Variants in SAFB2 observed in about 807,000 individuals in gnomAD.
The protein encoded by SAFB2 is scaffold attachment factor B2.
SAFB2 carries 32 observed loss-of-function variants against 100.6 expected under a neutral mutation model. That is an observed-to-expected ratio of 0.32 (90% CI 0.24 to 0.43). SAFB2 has a LOEUF of 0.43. SAFB2 is among the 20% of genes least tolerant of loss of function. The pLI is 1.00. For synonymous variants in SAFB2, 500 were observed against 439.4 expected, an observed-to-expected ratio of 1.14 and a Z score of -1.72; for missense variants, 1,185 against 1,163.4, an observed-to-expected ratio of 1.02 and a Z score of -0.27.
At position 5,587,500 on chromosome 19, in the gene SAFB2, T is replaced by C; in HGVS notation, c.2706-101A>G. On this transcript the variant is annotated intron_variant, in intron 20 of 20. Coordinates refer to ENST00000252542, the MANE Select transcript of SAFB2 (RefSeq NM_014649.3). This position sits in a 1 kb window ranked among gnomAD's most constrained non-coding sequence, Gnocchi z 4.9. ...TCCCGCAGCCTTTAGAGCGCTTGGGTTTTTTTTCCAGGTGAGAAAAATCAT... is the reference window on the plus strand; with the variant it reads ...TCCCGCAGCCTTTAGAGCGCTTGGGCTTTTTTTCCAGGTGAGAAAAATCAT... 2 of 1,483,752 alleles carry C rather than the reference T, an allele frequency of 1.3e-6. No homozygotes were observed. Among genetic ancestry groups the C allele is most frequent in the African/African-American group, 1.4e-5 (1 of 71,044 alleles). The allele number at this position is 1,483,752 out of a possible 1,614,324, so 91.9% of individuals were successfully genotyped here.
chr19:5,621,281 C>A, intron 2 of SAFB2, 28 bp downstream of exon 2: 1 of 1,453,052 alleles, frequency 6.9e-7, no homozygotes, highest in East Asian at 2.3e-5. Context: ...TCTGAACACT[C>A]AAGCCCCAAG....
chr19:5,593,972 C>T lies in SAFB2; in HGVS notation c.2126G>A (p.Arg709His), dbSNP rs1322164295. The change falls in exon 15 of 21, where the codon CGC becomes CAC. Residue 709 changes from arginine to histidine, a missense_variant. By Grantham distance (29) the Arg-to-His change is conservative (BLOSUM62 0). Around this residue, in one of 3 missense-constraint regions of SAFB2, gnomAD observed 740 missense variants for 687.1 expected, o/e 1.08. Coordinates refer to ENST00000252542, the MANE Select transcript of SAFB2 (RefSeq NM_014649.3). ...RKEQERIHRE[R>H]EELRRQQEQL... is the part of the protein sequence containing the mutation. ...CTCCTGCTGGCGCCGCAGCTCCTCG[C>T]GCTCGCGGTGGATGCGCTCCTGCTC... is the stretch of plus-strand genomic sequence containing the variant. 1.2e-5 allele frequency: 19 copies of T among 1,552,536 alleles called. No homozygotes were observed. The highest frequency in any genetic ancestry group is 1.6e-5 in the Non-Finnish European group (19 of 1,156,300).
intron 9 of SAFB2, among the ~76,000 whole-genome samples, chr19:5,608,586 G>A (rs1253660592): frequency 6.6e-6 from 1 of 152,150 alleles, no homozygotes; most frequent in African/African-American, 2.4e-5. Flanking sequence ...CTGATCGGGT[G>A]ACACAGACCT....
chr19:5,598,698 A>G, intron 13 of SAFB2, 95 bp downstream of exon 13: 2 of 1,153,302 alleles, frequency 1.7e-6, no homozygotes, highest in South Asian at 1.3e-5. Flanking sequence ...TCAATTTTAA[A>G]GGCAAAACAG....
intron 5 of SAFB2, among the ~76,000 whole-genome samples, chr19:5,613,012 C>T (rs2052942406): frequency 6.6e-6 from 1 of 152,252 alleles, no homozygotes; most frequent in African/African-American, 2.4e-5. Flanking sequence ...ATCTGTCTCA[C>T]TTAGGACAAT....
chr19:5,621,674 G>A (rs550972919), intron 1 of SAFB2, among the ~76,000 whole-genome samples: 1 of 152,232 alleles, frequency 6.6e-6, no homozygotes, highest in Non-Finnish European at 1.5e-5. Context: ...ACTCGACAAT[G>A]CCAAACCTTC....
intron 18 of SAFB2, among the ~76,000 whole-genome samples, chr19:5,589,717 C>G (rs1244571670): frequency 6.6e-6 from 1 of 152,304 alleles, no homozygotes; most frequent in South Asian, 2.1e-4. Flanking sequence ...AGGCTCAGAA[C>G]AGCACCCCCA....
Position 5,610,661 on chromosome 19 carries a change from C to T in SAFB2, c.1173G>A (p.Lys391=), listed in dbSNP as rs763094945. Residue 391 remains lysine (K), a synonymous_variant, in exon 8 of 21, where the codon AAG becomes AAA. Coordinates refer to ENST00000252542, the MANE Select transcript of SAFB2 (RefSeq NM_014649.3). The part of the protein sequence containing the change: ...MSSFKEEKDI[K]PIIKDEKGRV... The stretch of plus-strand genomic sequence containing the variant: ...TACCTTTTTCATCTTTAATGATTGG[C>T]TTTATATCTTTTTCTTCCTTAAAAG... The T allele has an allele frequency of 1.3e-6, 2 of 1,570,516 alleles. No individual in the cohort carries two copies. The highest frequency in any genetic ancestry group is 1.7e-6 in the Non-Finnish European group (2 of 1,146,722).
At chr19:5,618,972 T>C (rs1434724432) in intron 2 of SAFB2, among the ~76,000 whole-genome samples, 1 of 152,244 alleles carries the variant, frequency 6.6e-6, no homozygotes, top group African/African-American at 2.4e-5. Flanking sequence ...CTTACTCTGA[T>C]TTATAATGAG....
rs138424107 is a variant in SAFB2 at position 5,603,280 on chromosome 19, AT to A, written c.1559+1302del. Among the ~76,000 whole-genome samples the A allele has an allele frequency of 2.2e-4, 33 of 152,316 alleles. No homozygotes were observed. In the East Asian group the frequency reaches 3.9e-3, roughly 18 times the overall value. The stretch of plus-strand genomic sequence containing the variant: ...TCAAAAAGTAAAATGTTTTTTAAAA[AT>A]AATAATTCCAATTAAAAATAATAAT... On this transcript the variant is annotated intron_variant, in intron 11 of 20. Coordinates refer to ENST00000252542, the MANE Select transcript of SAFB2 (RefSeq NM_014649.3).
In SAFB2 at chr19:5,617,537, T is replaced by C. The variant is rs149469538; in HGVS notation, c.275-1051A>G. ...CAAAACATAGATATCTGTCCTATTA[T>C]ACCTGTTAAACACCCAAAAGGGAAA... On this transcript the variant is annotated intron_variant, in intron 2 of 20. Transcript: ENST00000252542. Among the ~76,000 whole-genome samples the C allele has an allele frequency of 6.0e-3, 910 of 152,300 alleles. 5 individuals carry two copies. The highest frequency in any genetic ancestry group is 0.021 in the African/African-American group (878 of 41,574).
Position 5,602,503 on chromosome 19 carries a change from A to T in SAFB2, c.1559+2080T>A, listed in dbSNP as rs76541070. Reference sequence around the variant, plus strand: ...TCAAAAAAAAAAAAAAAAAAAAAAAAAAATCTTAAGTCCATCACCCAGTTA... The same window carrying T: ...TCAAAAAAAAAAAAAAAAAAAAAAATAAATCTTAAGTCCATCACCCAGTTA... On this transcript the variant is annotated intron_variant, in intron 11 of 20. Coordinates refer to ENST00000252542, the MANE Select transcript of SAFB2 (RefSeq NM_014649.3). 7.2e-4 allele frequency among the ~76,000 whole-genome samples: 108 copies of T among 150,994 alleles called. 1 individual carries two copies. Among genetic ancestry groups the T allele is most frequent in the African/African-American group, 2.6e-3 (106 of 41,126 alleles).
At chr19:5,592,985 G>A (rs2052446873) in intron 15 of SAFB2, 98 bp from the exon 16 acceptor site, 1 of 1,100,430 alleles carries the variant, frequency 9.1e-7, no homozygotes, top group African/African-American at 1.6e-5. Flanking sequence ...TCTCTCCCCA[G>A]ACCCAGTATC....
intron 18 of SAFB2, among the ~76,000 whole-genome samples, chr19:5,588,379 G>A (rs1365218574): frequency 6.6e-6 from 1 of 152,168 alleles, no homozygotes; most frequent in Non-Finnish European, 1.5e-5. Flanking sequence ...GAATTACCAT[G>A]ACCCAGCAAA....
chr19:5,590,244 A>T (rs749227149), intron 18 of SAFB2, 34 bp downstream of exon 18: 20 of 1,515,130 alleles, frequency 1.3e-5, no homozygotes, highest in Non-Finnish European at 1.3e-5. Context: ...GTTAGGACAG[A>T]TGCTCCCCAC....
In SAFB2 at chr19:5,616,314, C is replaced by G. The variant is rs768592960; in HGVS notation, c.361G>C (p.Glu121Gln). Residue 121 changes from glutamate to glutamine, a missense_variant, in exon 4 of 21, where the codon GAG becomes CAG. Physicochemically the swap from Glu to Gln is conservative, Grantham distance 29. This residue lies in a region of SAFB2 where 351 missense variants were observed against 341.2 expected (regional missense o/e 1.03). Transcript: ENST00000252542. ...ATCATGCCCATATTCTGCAGGTTCT[C>G]CAGACTTGCTTCCATGTCCTCCTGT... is the stretch of plus-strand genomic sequence containing the variant. ...DGQEDMEASL[E>Q]NLQNMGMMDM... 1.2e-6 allele frequency: 2 copies of G among 1,614,208 alleles called. No homozygotes were observed. Among genetic ancestry groups the G allele is most frequent in the East Asian group, 2.2e-5 (1 of 44,886 alleles).
rs769966192 is a variant in SAFB2 at position 5,613,571 on chromosome 19, T to C, written c.544-44A>G. Reference sequence around the variant, plus strand: ...GATGACTTCGTGGAGGCTGGAGCTATGAAAACCAAGGCTGACACCTCGCTT... The same window carrying C: ...GATGACTTCGTGGAGGCTGGAGCTACGAAAACCAAGGCTGACACCTCGCTT... On this transcript the variant is annotated intron_variant, in intron 4 of 20. Coordinates refer to ENST00000252542, the MANE Select transcript of SAFB2 (RefSeq NM_014649.3). 21 of 1,600,564 alleles carry C rather than the reference T, an allele frequency of 1.3e-5. 1 individual carries two copies. The East Asian group carries it at 2.9e-4, about 22-fold the overall frequency.
chr19:5,595,743 G>A (rs1310724853), intron 13 of SAFB2, among the ~76,000 whole-genome samples: 2 of 152,212 alleles, frequency 1.3e-5, no homozygotes, highest in South Asian at 2.1e-4. Flanking sequence ...GTTGGCCCAC[G>A]CCTCAGAAAA....
intron 13 of SAFB2, among the ~76,000 whole-genome samples, chr19:5,598,134 C>CAAAAA (rs11347497): frequency 1.6e-5 from 1 of 61,202 alleles, no homozygotes; most frequent in South Asian, 5.2e-4. Context: ...GACTCCATCT[C>CAAAAA]AAAAAAAAAA....
Sources: gnomAD v4.1 joint callset for allele counts (sites outside exome capture counted in the v4.1 genomes callset) on GRCh38, gnomAD v4.1.1 for gene constraint, gnomAD v4.1.1 regional missense constraint, Gnocchi (gnomAD v3.1) non-coding constraint, MANE v1.5 for transcripts, NCBI Gene and HGNC (gene_info 2026-07-23, HGNC 2026-07-21) for gene names.